The following RYR2 variants were observed in gnomAD, a reference collection of about 807,000 sequenced individuals.
RYR2 encodes ryanodine receptor 2.
RYR2 carries 227 observed loss-of-function variants against 601.1 expected under a neutral mutation model. That is an observed-to-expected ratio of 0.38 (90% confidence interval 0.34 to 0.42). RYR2 has a LOEUF of 0.42. Ranked by LOEUF, RYR2 falls within the 10% of genes least tolerant of loss-of-function variation. The pLI is 1.00. For synonymous variants in RYR2, 2,223 were observed against 2,175.1 expected, an observed-to-expected ratio of 1.02 and a Z score of -0.61; for missense variants, 4,646 against 6,156.5, an observed-to-expected ratio of 0.75 and a Z score of 8.21.
In RYR2 at chr1:237,135,297, G is replaced by A. The variant is rs577824771; in HGVS notation, c.48+92728G>A. On this transcript the variant is annotated intron_variant, in intron 1 of 104. Transcript: ENST00000366574. ...TAATAGACTATCTTGGGGAACAGAA[G>A]TTTCTCATTGTTCTCCTGGGCTACA... 2.0e-5 allele frequency among the ~76,000 whole-genome samples: 3 copies of A among 151,468 alleles called. No individual in the cohort carries two copies. The East Asian group carries it at 5.8e-4, about 29-fold the overall frequency.
At chr1:237,492,919 A>C in intron 18 of RYR2, 35 bp from the exon 19 acceptor site, 1 of 1,533,866 alleles carries the variant, frequency 6.5e-7, no homozygotes, top group African/African-American at 1.4e-5. Context: ...GCAGGGAGGG[A>C]GGGAGGATCA....
chr1:237,202,367 T>C (rs1419785538), intron 1 of RYR2, among the ~76,000 whole-genome samples: 1 of 152,202 alleles, frequency 6.6e-6, no homozygotes, highest in African/African-American at 2.4e-5. Context: ...TCAATTTCCC[T>C]CAGTGCATGT....
chr1:237,500,307 A>G (rs561833817), intron 20 of RYR2, among the ~76,000 whole-genome samples: 4 of 152,304 alleles, frequency 2.6e-5, no homozygotes, highest in African/African-American at 9.6e-5. Context: ...TGTTCTGTTT[A>G]TAAGACATCC....
At chr1:237,338,280 A>G (rs544500195) in intron 3 of RYR2, among the ~76,000 whole-genome samples, 3 of 152,332 alleles carry the variant, frequency 2.0e-5, no homozygotes, top group African/African-American at 7.2e-5. Context: ...ACCGATCAAT[A>G]GGAATTTCAG....
chr1:237,314,370 A>G lies in RYR2; in HGVS notation c.169-16508A>G, dbSNP rs151072874. On this transcript the variant is annotated intron_variant, in intron 2 of 104. Transcript: ENST00000366574. ...TGAGCCACCATGCCCGGCCAACATG[A>G]ATTTCAAAGGCAAAAATGCTTTCAC... is the stretch of plus-strand genomic sequence containing the variant. 2.6e-5 allele frequency among the ~76,000 whole-genome samples: 4 copies of G among 152,230 alleles called. No homozygotes were observed. The East Asian group carries it at 7.7e-4, about 29-fold the overall frequency.
In RYR2 at chr1:237,808,970, C is replaced by T. The variant is rs1660964820; in HGVS notation, c.14368C>T (p.Arg4790Ter). Residue 4790 changes from arginine (R) to a stop codon, truncating the protein, a stop_gained, in exon 100 of 105, where the codon CGA (arginine) becomes TGA (stop). Transcript: ENST00000366574. LOFTEE classifies it high-confidence loss of function. ...CACTGTGGTGGCATTCAATTTTTTCCGAAAATTCTACAATAAAAGTGAAGA... is the reference window on the plus strand; with the variant it reads ...CACTGTGGTGGCATTCAATTTTTTCTGAAAATTCTACAATAAAAGTGAAGA... ...LYTVVAFNFFRKFYNKSEDGD... is the reference protein window; with the variant it reads ...LYTVVAFNFF 2.5e-6 allele frequency: 4 copies of T among 1,612,772 alleles called. No individual in the cohort carries two copies. Among genetic ancestry groups the T allele is most frequent in the Non-Finnish European group, 3.4e-6 (4 of 1,178,998 alleles).
chr1:237,672,935 C>T (rs144061839), intron 58 of RYR2, among the ~76,000 whole-genome samples: 2 of 152,242 alleles, frequency 1.3e-5, no homozygotes, highest in East Asian at 1.9e-4. Flanking sequence ...TATTAAAGTT[C>T]AGTGGGCGAT....
intron 12 of RYR2, among the ~76,000 whole-genome samples, chr1:237,436,410 A>G (rs1446445189): frequency 6.9e-6 from 1 of 144,640 alleles, no homozygotes; most frequent in Non-Finnish European, 1.5e-5. Flanking sequence ...CTCACTTACC[A>G]GAGTAACTTC....
chr1:237,287,499 A>T (rs1691693679), intron 2 of RYR2, among the ~76,000 whole-genome samples: 3 of 152,084 alleles, frequency 2.0e-5, no homozygotes, highest in Admixed American at 2.0e-4. Flanking sequence ...GGCTTTGTTC[A>T]TATTTTCTTA....
At chr1:237,698,387 C>G (rs2149023306) in intron 63 of RYR2, among the ~76,000 whole-genome samples, 1 of 152,030 alleles carries the variant, frequency 6.6e-6, no homozygotes, top group Non-Finnish European at 1.5e-5. Context: ...TATTATTTAA[C>G]TTCTTTAGTG....
chr1:237,832,469 G>A (rs557038485), intron 104 of RYR2, 83 bp from the exon 105 acceptor site: 1 of 818,228 alleles, frequency 1.2e-6, no homozygotes, highest in Non-Finnish European at 2.0e-6. Context: ...GTGCGATATA[G>A]GTAACAGAAT....
intron 94 of RYR2, 60 bp from the exon 95 acceptor site, chr1:237,793,807 G>T: frequency 7.5e-7 from 1 of 1,329,126 alleles, no homozygotes; most frequent in South Asian, 1.3e-5. Context: ...TAAAGATAGT[G>T]ACCACAAGAT....
intron 21 of RYR2, among the ~76,000 whole-genome samples, chr1:237,502,957 T>C (rs1233851761): frequency 1.3e-5 from 2 of 152,226 alleles, no homozygotes; most frequent in Non-Finnish European, 2.9e-5. Context: ...TTTGGGACTT[T>C]AAGTGACCAG....
intron 24 of RYR2, among the ~76,000 whole-genome samples, chr1:237,526,821 T>C (rs148924288): frequency 0.014 from 2,141 of 152,332 alleles, 29 homozygotes; most frequent in Middle Eastern, 0.051. Flanking sequence ...GCTTTTTAGT[T>C]TGATTAAGTC....
intron 25 of RYR2, among the ~76,000 whole-genome samples, chr1:237,546,176 G>C (rs1260430911): frequency 6.6e-6 from 1 of 151,912 alleles, no homozygotes; most frequent in Non-Finnish European, 1.5e-5. Context: ...AAAAGCTACA[G>C]TTAATTGCCC....
intron 7 of RYR2, among the ~76,000 whole-genome samples, chr1:237,376,416 T>C (rs1701038385): frequency 6.6e-6 from 1 of 151,912 alleles, no homozygotes; most frequent in East Asian, 1.9e-4. Context: ...ACATACCAAG[T>C]CCCACTGTTA....
intron 4 of RYR2, among the ~76,000 whole-genome samples, chr1:237,364,002 C>G (rs1699996425): frequency 6.6e-6 from 1 of 152,044 alleles, no homozygotes; most frequent in African/African-American, 2.4e-5. Context: ...GCAAAAGATG[C>G]AAGTTGGTTT....
At chr1:237,584,661 T>TTTTTTG (rs1559066857) in intron 29 of RYR2, among the ~76,000 whole-genome samples, 27 of 139,104 alleles carry the variant, frequency 1.9e-4, no homozygotes, top group Non-Finnish European at 4.1e-4. Context: ...TTTTTTTTTT[T>TTTTTTG]TTTTTTTTTT....
chr1:237,576,525 G>C (rs1272299251), intron 29 of RYR2, among the ~76,000 whole-genome samples: 1 of 152,038 alleles, frequency 6.6e-6, no homozygotes, highest in Non-Finnish European at 1.5e-5. Context: ...GTGACAAATG[G>C]GGATCTGTAG....
Sources: gnomAD v4.1 joint callset for allele counts (sites outside exome capture counted in the v4.1 genomes callset) on GRCh38, gnomAD v4.1.1 for gene constraint, MANE v1.5 for transcripts, NCBI Gene and HGNC (gene_info 2026-07-23, HGNC 2026-07-21) for gene names.